The following ZNF121 variants were observed in gnomAD, a reference collection of about 807,000 sequenced individuals.
The protein encoded by ZNF121 is zinc finger protein 121.
A neutral mutation model predicts 2.4 loss-of-function variants in ZNF121; 1 was observed. The ratio of observed to expected loss-of-function variants is 0.41; its 90% CI spans 0.15 to 1.94. ZNF121 has a LOEUF of 1.94. Ranked by LOEUF, ZNF121 falls within the 30% of genes most tolerant of loss-of-function variation. The probability of loss-of-function intolerance (pLI) is 0.30; values close to 1 mark genes in which losing one functional copy is unlikely to be tolerated. For missense variants in ZNF121, 369 were observed against 466.3 expected, an observed-to-expected ratio of 0.79 and a Z score of 1.92; for synonymous variants, 173 against 158.6, an observed-to-expected ratio of 1.09 and a Z score of -0.68.
intron 1 of ZNF121, among the ~76,000 whole-genome samples, chr19:9,576,166 A>C (rs2144818381): frequency 6.6e-6 from 1 of 152,320 alleles, no homozygotes; most frequent in East Asian, 1.9e-4. Flanking sequence ...TCTGACCACA[A>C]GGGAATAAAA....
At chr19:9,569,907 A>T (rs2074161476) in intron 1 of ZNF121, among the ~76,000 whole-genome samples, 1 of 123,762 alleles carries the variant, frequency 8.1e-6, no homozygotes, top group Admixed American at 8.7e-5. Flanking sequence ...AGCTTTTCTT[A>T]TATCATGGGT....
intron 1 of ZNF121, among the ~76,000 whole-genome samples, chr19:9,571,521 T>C (rs1162252062): frequency 2.0e-5 from 3 of 152,154 alleles, no homozygotes; most frequent in African/African-American, 4.8e-5. Flanking sequence ...GGCATTGACA[T>C]AGCTAATGTC....
intron 1 of ZNF121, among the ~76,000 whole-genome samples, chr19:9,582,203 T>C (rs891380500): frequency 6.6e-6 from 1 of 152,110 alleles, no homozygotes; most frequent in African/African-American, 2.4e-5. Context: ...AGCTACTAGG[T>C]GTCAGGCCTC....
At chr19:9,580,227 G>C (rs917296492) in intron 1 of ZNF121, among the ~76,000 whole-genome samples, 1 of 151,910 alleles carries the variant, frequency 6.6e-6, no homozygotes, top group Non-Finnish European at 1.5e-5. Context: ...GGGAGGCAGA[G>C]TTTGCAGTAA....
chr19:9,579,332 G>A (rs2074233177), intron 1 of ZNF121, among the ~76,000 whole-genome samples: 1 of 152,064 alleles, frequency 6.6e-6, no homozygotes, highest in Non-Finnish European at 1.5e-5. Context: ...AGGATCACTT[G>A]AGCCCAGAAG....
At position 9,566,600 on chromosome 19, in the gene ZNF121, G is replaced by C; in HGVS notation, c.513C>G (p.Pro171=). Residue 171 remains proline (P), a synonymous_variant, in exon 4 of 4, where the codon CCC becomes CCG. Transcript: ENST00000320451. ...SHMRTHTGEK[P]YECKECGKCF... is the part of the protein sequence containing the mutation. ...ATTTCCCACATTCCTTACATTCATA[G>C]GGTTTCTCCCCAGTATGGGTTCGCA... The C allele has an allele frequency of 1.2e-6, 2 of 1,614,188 alleles. No homozygotes were observed. The highest frequency in any genetic ancestry group is 1.7e-6 in the Non-Finnish European group (2 of 1,180,024).
In ZNF121 at chr19:9,561,306, G is replaced by A. The variant is rs530462778; in HGVS notation, c.*4634C>T. The stretch of plus-strand genomic sequence containing the variant: ...AATAAATTACATTTTTCTGAGTCTA[G>A]GGCTGGAGACAAATGTACCATGAAC... On this transcript the variant is annotated 3_prime_UTR_variant, in exon 4 of 4. Transcript: ENST00000320451. 2.0e-5 allele frequency: 3 copies of A among 152,208 alleles called. No individual in the cohort carries two copies. The highest frequency in any genetic ancestry group is 7.2e-5 in the African/African-American group (3 of 41,556). The allele number at this position is 152,208 out of a possible 1,614,324, so 9.4% of individuals were successfully genotyped here. A position where few individuals can be genotyped will look rare whatever the true frequency, so the allele number is the denominator to read the frequency against.
intron 1 of ZNF121, among the ~76,000 whole-genome samples, chr19:9,574,270 C>T (rs2074194836): frequency 6.6e-6 from 1 of 152,044 alleles, no homozygotes; most frequent in Admixed American, 6.6e-5. Context: ...CTCAGCCTCC[C>T]TAGTACCTGG....
chr19:9,566,160 C>T lies in ZNF121; in HGVS notation c.953G>A (p.Gly318Glu). 1 of 1,614,084 alleles carries T rather than the reference C, an allele frequency of 6.2e-7. No individual in the cohort carries two copies. The highest frequency in any genetic ancestry group is 1.1e-5 in the South Asian group (1 of 91,074). ...TTGTGAAGATGTAGCAAAGGCTTTC[C>T]CACAGTCCTTACATTCATAGGGCTT... is the stretch of plus-strand genomic sequence containing the variant. ...GEKPYECKDC[G>E]KAFATSSQLI... is the part of the protein sequence containing the mutation. Residue 318 changes from glycine to glutamate, a missense_variant, in exon 4 of 4, where the codon GGG (glycine) becomes GAG (glutamate). Gly to Glu is a moderately conservative substitution (Grantham distance 98, BLOSUM62 -2). Coordinates refer to ENST00000320451, the MANE Select transcript of ZNF121 (RefSeq NM_001008727.5).
intron 1 of ZNF121, among the ~76,000 whole-genome samples, chr19:9,578,682 A>G (rs1383841544): frequency 6.6e-6 from 1 of 152,222 alleles, no homozygotes; most frequent in Non-Finnish European, 1.5e-5. Flanking sequence ...CTCAGCATAA[A>G]CAAAATCAAA....
chr19:9,568,649 C>G (rs2074151891), intron 2 of ZNF121, among the ~76,000 whole-genome samples: 1 of 152,114 alleles, frequency 6.6e-6, no homozygotes. Context: ...GCTGGGATTA[C>G]AGGCATAAGC....
intron 1 of ZNF121, among the ~76,000 whole-genome samples, chr19:9,570,116 G>T (rs931163502): frequency 9.9e-5 from 15 of 152,096 alleles, no homozygotes; most frequent in African/African-American, 3.6e-4. Context: ...TGAGGCAGGA[G>T]AATCGCTTTT....
intron 3 of ZNF121, 129 bp from the exon 4 acceptor site, chr19:9,567,238 G>A: frequency 1.3e-6 from 1 of 752,190 alleles, no homozygotes; most frequent in Non-Finnish European, 2.1e-6. Context: ...TACAGTTGCT[G>A]CCCCATGTAT....
rs142823332 is a variant in ZNF121, at chr19:9,566,478, C to A, written c.635G>T (p.Arg212Leu). 6.2e-7 allele frequency: 1 copy of A among 1,613,796 alleles called. No homozygotes were observed. Among genetic ancestry groups the A allele is most frequent in the South Asian group, 1.1e-5 (1 of 91,032 alleles). The change falls in exon 4 of 4, where the codon CGC becomes CTC. Residue 212 changes from arginine to leucine, a missense_variant. This residue lies in a region of ZNF121 where 68 missense variants were observed against 105.5 expected (regional missense o/e 0.64). Coordinates refer to ENST00000320451, the MANE Select transcript of ZNF121 (RefSeq NM_001008727.5). Reference protein sequence around the residue: ...CKECGRAFAGRSGLTKHVRIH... With the variant: ...CKECGRAFAGLSGLTKHVRIH... ...TCGTACATGTTTAGTAAGGCCTGAG[C>A]GCCCAGCGAAGGCTCTTCCACATTC...
chr19:9,578,265 G>A (rs1022001126), intron 1 of ZNF121, among the ~76,000 whole-genome samples: 3 of 151,872 alleles, frequency 2.0e-5, no homozygotes, highest in East Asian at 1.9e-4. Flanking sequence ...ATGGTGGTGC[G>A]TGCCTGTAGT....
Position 9,565,884 on chromosome 19 carries a change from T to C in ZNF121, c.*56A>G, listed in dbSNP as rs1313488549. On this transcript the variant is annotated 3_prime_UTR_variant, in exon 4 of 4. Coordinates refer to ENST00000320451, the MANE Select transcript of ZNF121 (RefSeq NM_001008727.5). ...TCAGTGTGAATTCAAATGTGGTAAT[T>C]ATGGTATGAGAAATTCCTAAAAGAT... is the stretch of plus-strand genomic sequence containing the variant. The C allele has an allele frequency of 3.0e-6, 4 of 1,339,374 alleles. No homozygotes were observed. The highest frequency in any genetic ancestry group is 4.0e-6 in the Non-Finnish European group (4 of 993,044). The allele number at this position is 1,339,374 out of a possible 1,614,324, so 83.0% of individuals were successfully genotyped here.
In ZNF121 at chr19:9,565,791, C is replaced by T. The variant is rs913509374; in HGVS notation, c.*149G>A. ...GGGACACATAGAGTATGAGTTCTTT[C>T]ATGTCTTCGAAGTGAATGGGGATAA... On this transcript the variant is annotated 3_prime_UTR_variant, in exon 4 of 4. Coordinates refer to ENST00000320451, the MANE Select transcript of ZNF121 (RefSeq NM_001008727.5). 1 of 550,258 alleles carries T rather than the reference C, an allele frequency of 1.8e-6. No individual in the cohort carries two copies. Among genetic ancestry groups the T allele is most frequent in the African/African-American group, 1.9e-5 (1 of 52,266 alleles). The allele number at this position is 550,258 out of a possible 1,614,324, so 34.1% of individuals were successfully genotyped here.
intron 1 of ZNF121, among the ~76,000 whole-genome samples, chr19:9,577,727 C>T (rs1409660090): frequency 1.3e-5 from 2 of 151,972 alleles, no homozygotes; most frequent in African/African-American, 4.8e-5. Context: ...AGACCTCAAA[C>T]AGCCAAAGAA....
intron 1 of ZNF121, among the ~76,000 whole-genome samples, chr19:9,575,394 G>A (rs1212256179): frequency 6.6e-6 from 1 of 152,122 alleles, no homozygotes; most frequent in Non-Finnish European, 1.5e-5. Flanking sequence ...CTGTACTCCA[G>A]CCTGGGCAAC....
Sources: gnomAD v4.1 joint callset for allele counts (sites outside exome capture counted in the v4.1 genomes callset) on GRCh38, gnomAD v4.1.1 for gene constraint, gnomAD v4.1.1 regional missense constraint, MANE v1.5 for transcripts, NCBI Gene and HGNC (gene_info 2026-07-23, HGNC 2026-07-21) for gene names.